UBE2Z: variants seen among roughly 807,000 people sequenced by gnomAD.
UBE2Z encodes the protein ubiquitin conjugating enzyme E2 Z.
Under a neutral mutation model 32.6 loss-of-function variants are expected in UBE2Z, and 10 were observed. That is an observed-to-expected ratio of 0.31 (90% CI 0.19 to 0.52). The LOEUF (loss-of-function observed/expected upper bound fraction) is 0.52. Ranked by LOEUF, UBE2Z falls within the 20% of genes least tolerant of loss-of-function variation. The pLI is 0.97. For synonymous variants in UBE2Z, 183 were observed against 190.8 expected, an observed-to-expected ratio of 0.96 and a Z score of 0.34; for missense variants, 343 against 480.9, an observed-to-expected ratio of 0.71 and a Z score of 2.68.
intron 3 of UBE2Z, among the ~76,000 whole-genome samples, chr17:48,913,596 A>G (rs930071490): frequency 5.3e-5 from 8 of 151,948 alleles, no homozygotes; most frequent in African/African-American, 1.9e-4. Context: ...CTCATCATCC[A>G]CTCACCTTGG....
chr17:48,921,502 G>C (rs376932054), intron 5 of UBE2Z, among the ~76,000 whole-genome samples: 2 of 152,120 alleles, frequency 1.3e-5, no homozygotes, highest in African/African-American at 4.8e-5. Flanking sequence ...CGCTCAGGGA[G>C]CTTCCAGTTT....
At chr17:48,908,996 C>CA (rs1292424373) in intron 1 of UBE2Z, 176 bp downstream of exon 1, 1 of 356,366 alleles carries the variant, frequency 2.8e-6, no homozygotes, top group Non-Finnish European at 5.2e-6. Flanking sequence ...CTTCTCCCCC[C>CA]ACCCTCAGAC....
chr17:48,915,577 T>G (rs1432542684), intron 3 of UBE2Z: 1 of 155,792 alleles, frequency 6.4e-6, no homozygotes, highest in Non-Finnish European at 1.4e-5. Context: ...TAAGAGAATT[T>G]GACACTCCTT....
chr17:48,912,453 T>C (rs79239253), intron 2 of UBE2Z: 1 of 176,970 alleles, frequency 5.7e-6, no homozygotes, highest in Admixed American at 5.6e-5. Flanking sequence ...GATAAGCATA[T>C]TATATTTTTC....
intron 5 of UBE2Z, 136 bp downstream of exon 5, chr17:48,921,408 A>G (rs1015747349): frequency 2.6e-5 from 18 of 702,874 alleles, no homozygotes; most frequent in Admixed American, 1.6e-4. Context: ...TTAAAGAACA[A>G]GTGGCTGAGG....
rs750447640 is a variant in UBE2Z at position 48,923,026 on chromosome 17, A to G, written c.894+89A>G. On this transcript the variant is annotated intron_variant, in intron 6 of 6. Coordinates refer to ENST00000360943, the MANE Select transcript of UBE2Z (RefSeq NM_023079.5). ...AGCGTGGCATCGACAGCTGTCATAG[A>G]ATGACACAGCTAAGCCTGGGTTCAG... The G allele has an allele frequency of 1.3e-5, 16 of 1,218,126 alleles. No homozygotes were observed. In the East Asian group the frequency reaches 3.7e-4, roughly 28 times the overall value. 75.5% of individuals were successfully genotyped at this position (1,218,126 alleles called of 1,614,324 possible).
rs558535030 is a variant in UBE2Z at position 48,917,237 on chromosome 17, G to A, written c.690+1050G>A. 1.2e-4 allele frequency among the ~76,000 whole-genome samples: 19 copies of A among 152,216 alleles called. No homozygotes were observed. In the East Asian group the frequency reaches 3.3e-3, roughly 26 times the overall value. On this transcript the variant is annotated intron_variant, in intron 4 of 6. Transcript: ENST00000360943. ...GGAGAATGGCGTGAACCCAGGTGGT[G>A]GAGCTTACAGTGAGCCAAGATTGGG...
chr17:48,914,462 T>C (rs776680955), intron 3 of UBE2Z, among the ~76,000 whole-genome samples: 20 of 152,258 alleles, frequency 1.3e-4, no homozygotes, highest in South Asian at 4.1e-4. Context: ...GAGGTTGTCC[T>C]TAAAGAAGTA....
At chr17:48,912,194 C>T (rs1400721880) in intron 2 of UBE2Z, 3 of 152,044 alleles carry the variant, frequency 2.0e-5, no homozygotes, top group African/African-American at 4.9e-5. Flanking sequence ...AGGTTTGATC[C>T]TCTGCAGAGG....
intron 6 of UBE2Z, among the ~76,000 whole-genome samples, chr17:48,926,457 T>C (rs1295793079): frequency 6.8e-6 from 1 of 148,000 alleles, no homozygotes; most frequent in African/African-American, 2.5e-5. Context: ...TACACCTATT[T>C]GGGGCGGTAA....
intron 5 of UBE2Z, among the ~76,000 whole-genome samples, chr17:48,921,730 G>A (rs1334217502): frequency 6.6e-6 from 1 of 152,120 alleles, no homozygotes; most frequent in East Asian, 1.9e-4. Context: ...TTGAAGTTGG[G>A]ATTCAAATGG....
At chr17:48,909,423 G>A (rs1247609898) in intron 1 of UBE2Z, among the ~76,000 whole-genome samples, 1 of 151,714 alleles carries the variant, frequency 6.6e-6, no homozygotes, top group African/African-American at 2.4e-5. Context: ...CTTTTCCAGT[G>A]TCCCAAAGCT....
chr17:48,909,060 A>T lies in UBE2Z; in HGVS notation c.317+240A>T, dbSNP rs563323558. 1.0e-3 allele frequency: 145 copies of T among 144,800 alleles called. 1 individual carries two copies. Among genetic ancestry groups the T allele is most frequent in the African/African-American group, 5.6e-3 (136 of 24,350 alleles). The allele number at this position is 144,800 out of a possible 1,614,324, so 9.0% of individuals were successfully genotyped here. On this transcript the variant is annotated intron_variant, in intron 1 of 6. Coordinates refer to ENST00000360943, the MANE Select transcript of UBE2Z (RefSeq NM_023079.5). ...CCCAGATCCGACCCCGCCCCTCGAC[A>T]ACCTCCCGTGAGCCCTCCGTCTCCA...
At chr17:48,908,981 A>G in intron 1 of UBE2Z, 161 bp downstream of exon 1, 1 of 324,994 alleles carries the variant, frequency 3.1e-6, no homozygotes, top group South Asian at 3.6e-5. Context: ...TCGGGATCCA[A>G]CTCCCTTCTC....
chr17:48,908,640 G>GGGCGGC lies in UBE2Z; in HGVS notation c.147_152dup (p.Ala51_Ala52dup), dbSNP rs1035404625. The GGGCGGC allele has an allele frequency of 9.8e-6, 12 of 1,228,468 alleles. No individual in the cohort carries two copies. In the East Asian group the frequency reaches 9.8e-5, roughly 10 times the overall value. The allele number at this position is 1,228,468 out of a possible 1,614,324, so 76.1% of individuals were successfully genotyped here. A position where few individuals can be genotyped will look rare whatever the true frequency, so the allele number is the denominator to read the frequency against. ...GGGCCGCCTTTCCTGCCGGATGTGT[G>GGGCGGC]GGCGGCGGCGGCGGCAGCGGGCGGG... is the stretch of plus-strand genomic sequence containing the variant. On this transcript the variant is annotated inframe_insertion, in exon 1 of 7. Coordinates refer to ENST00000360943, the MANE Select transcript of UBE2Z (RefSeq NM_023079.5).
chr17:48,925,695 A>G (rs2040792931), intron 6 of UBE2Z, among the ~76,000 whole-genome samples: 1 of 152,202 alleles, frequency 6.6e-6, no homozygotes, highest in Non-Finnish European at 1.5e-5. Context: ...CAGGAGGAGC[A>G]TTAGAGGAGC....
At chr17:48,914,649 T>C (rs988282013) in intron 3 of UBE2Z, among the ~76,000 whole-genome samples, 1 of 152,162 alleles carries the variant, frequency 6.6e-6, no homozygotes, top group Non-Finnish European at 1.5e-5. Context: ...CACAGGACAG[T>C]GGGGTAAAAG....
In UBE2Z at chr17:48,928,389, A is replaced by G. The variant is rs1336571732; in HGVS notation, c.*1255A>G. ...CCCTGTAATCCTGGGCATCAAGGGA[A>G]TCCATCCTTCCCCTTTTTGATATGT... On this transcript the variant is annotated 3_prime_UTR_variant, in exon 7 of 7. Coordinates refer to ENST00000360943, the MANE Select transcript of UBE2Z (RefSeq NM_023079.5). The G allele has an allele frequency of 1.3e-5, 2 of 152,556 alleles. No individual in the cohort carries two copies. The highest frequency in any genetic ancestry group is 4.8e-5 in the African/African-American group (2 of 41,398). The allele number at this position is 152,556 out of a possible 1,614,324, so 9.5% of individuals were successfully genotyped here.
chr17:48,915,603 A>G, intron 3 of UBE2Z: 1 of 171,472 alleles, frequency 5.8e-6, no homozygotes, highest in South Asian at 1.3e-4. Context: ...TTTGATACAG[A>G]ACTGGATCCC....
Sources: allele counts gnomAD v4.1 joint callset (sites outside exome capture counted in the v4.1 genomes callset), GRCh38; gene constraint gnomAD v4.1.1; transcripts MANE v1.5; gene names NCBI Gene and HGNC (gene_info 2026-07-23, HGNC 2026-07-21).